The following BMPR1B variants were observed in gnomAD, a reference collection of about 807,000 sequenced individuals.
The protein encoded by BMPR1B is bone morphogenetic protein receptor type-1B.
Under a neutral mutation model 59.1 loss-of-function variants are expected in BMPR1B, and 12 were observed. That is an observed-to-expected ratio of 0.20 (90% confidence interval 0.13 to 0.33). The LOEUF (loss-of-function observed/expected upper bound fraction) is 0.33, where lower values mean the gene tolerates loss of function less well. BMPR1B is among the 10% of genes least tolerant of loss of function. BMPR1B has a pLI of 1.00. For synonymous variants in BMPR1B, 237 were observed against 207.3 expected, an observed-to-expected ratio of 1.14 and a Z score of -1.23; for missense variants, 550 against 610.9, an observed-to-expected ratio of 0.90 and a Z score of 1.05.
intron 2 of BMPR1B, among the ~76,000 whole-genome samples, chr4:94,943,559 A>C (rs1476902214): frequency 6.6e-6 from 1 of 152,222 alleles, no homozygotes; most frequent in Non-Finnish European, 1.5e-5. Flanking sequence ...TATGTGTATC[A>C]TGCTTAGGAT....
chr4:95,010,661 A>G lies in BMPR1B; in HGVS notation c.-18+14527A>G, dbSNP rs1723158203. Among the ~76,000 whole-genome samples the G allele has an allele frequency of 2.0e-5, 3 of 152,218 alleles. 1 individual carries two copies. The highest frequency in any genetic ancestry group is 2.0e-4 in the Admixed American group (3 of 15,278). ...GCTCTTTAAAACAGGGTATTGGAAG[A>G]TCCTTGCTAGGCAACCAAGAAATCT... On this transcript the variant is annotated intron_variant, in intron 3 of 12. Coordinates refer to ENST00000515059, the MANE Select transcript of BMPR1B (RefSeq NM_001203.3).
chr4:94,878,515 C>T (rs768098487), intron 2 of BMPR1B, among the ~76,000 whole-genome samples: 6 of 152,130 alleles, frequency 3.9e-5, no homozygotes, highest in Non-Finnish European at 8.8e-5. Flanking sequence ...TTACACTGGC[C>T]CAGGTAAACT....
intron 3 of BMPR1B, among the ~76,000 whole-genome samples, chr4:95,077,557 C>A (rs781057921): frequency 6.6e-6 from 1 of 152,104 alleles, no homozygotes; most frequent in African/African-American, 2.4e-5. Flanking sequence ...TGTTGATAAG[C>A]CACTTTCTAC....
intron 10 of BMPR1B, among the ~76,000 whole-genome samples, chr4:95,146,992 T>C (rs914885653): frequency 6.6e-6 from 1 of 152,200 alleles, no homozygotes; most frequent in African/African-American, 2.4e-5. Flanking sequence ...TTAGCCTCTT[T>C]TTCCAGTTTT....
chr4:94,862,065 G>A (rs1207553900), intron 1 of BMPR1B, among the ~76,000 whole-genome samples: 1 of 151,272 alleles, frequency 6.6e-6, no homozygotes, highest in South Asian at 2.1e-4. Context: ...CACAGTACCT[G>A]TCAACCAACA....
chr4:94,907,807 A>G (rs1397377600), intron 2 of BMPR1B, among the ~76,000 whole-genome samples: 1 of 151,794 alleles, frequency 6.6e-6, no homozygotes, highest in Non-Finnish European at 1.5e-5. Flanking sequence ...CTGTGTCCTC[A>G]GTGCCTAATT....
At chr4:95,046,730 G>A (rs1444220934) in intron 3 of BMPR1B, among the ~76,000 whole-genome samples, 22 of 152,110 alleles carry the variant, frequency 1.4e-4, no homozygotes, top group Non-Finnish European at 2.1e-4. Context: ...ATTTTCAAAT[G>A]GAGACCTTTC....
At chr4:94,995,659 TCAGA>T (rs1175837788) in intron 2 of BMPR1B, 6 of 152,220 alleles carry the variant, frequency 3.9e-5, no homozygotes, top group African/African-American at 1.4e-4. Context: ...CTGTATTTCT[TCAGA>T]CAAACTTAAT....
intron 2 of BMPR1B, among the ~76,000 whole-genome samples, chr4:94,888,705 C>T (rs1382056291): frequency 6.6e-6 from 1 of 152,022 alleles, no homozygotes; most frequent in Non-Finnish European, 1.5e-5. Context: ...TAAATTTTTG[C>T]TTGCACCCAT....
intron 1 of BMPR1B, among the ~76,000 whole-genome samples, chr4:94,857,754 A>G (rs904292051): frequency 6.6e-6 from 1 of 152,230 alleles, no homozygotes; most frequent in African/African-American, 2.4e-5. Flanking sequence ...TCAAAAAGAC[A>G]TCTGTTAAAT....
chr4:95,074,968 G>A (rs1241636430), intron 3 of BMPR1B, among the ~76,000 whole-genome samples: 3 of 152,044 alleles, frequency 2.0e-5, no homozygotes, highest in African/African-American at 7.2e-5. Flanking sequence ...TTTTTTTCAT[G>A]AGGCTTAACA....
At chr4:95,002,914 G>C (rs1722553151) in intron 3 of BMPR1B, among the ~76,000 whole-genome samples, 1 of 151,596 alleles carries the variant, frequency 6.6e-6, no homozygotes, top group South Asian at 2.1e-4. Flanking sequence ...TACCTTTTCT[G>C]TTATTTATAA....
intron 1 of BMPR1B, among the ~76,000 whole-genome samples, chr4:94,769,610 C>CA (rs35417815): frequency 0.71 from 102,235 of 144,864 alleles, 35,836 homozygotes; most frequent in East Asian, 0.97. Flanking sequence ...AACACCTTCT[C>CA]AAAAAAAAAA....
intron 8 of BMPR1B, among the ~76,000 whole-genome samples, chr4:95,127,079 A>T (rs28498312): frequency 2.7e-4 from 20 of 74,068 alleles, no homozygotes; most frequent in African/African-American, 7.3e-4. Context: ...TGTTCTGTGT[A>T]TGTCTTCTCA....
At chr4:94,866,551 G>A (rs1428917250) in intron 1 of BMPR1B, among the ~76,000 whole-genome samples, 1 of 151,940 alleles carries the variant, frequency 6.6e-6, no homozygotes, top group Non-Finnish European at 1.5e-5. Flanking sequence ...GGCTGTCTGT[G>A]TTCCTTACCA....
intron 3 of BMPR1B, among the ~76,000 whole-genome samples, chr4:95,070,744 A>G (rs1209220245): frequency 6.6e-6 from 1 of 152,280 alleles, no homozygotes; most frequent in Non-Finnish European, 1.5e-5. Context: ...CATTGCCACT[A>G]TTTCTTTTCT....
At chr4:94,866,308 A>G (rs1481501795) in intron 1 of BMPR1B, among the ~76,000 whole-genome samples, 1 of 152,288 alleles carries the variant, frequency 6.6e-6, no homozygotes, top group East Asian at 1.9e-4. Context: ...CCTTGTGTCA[A>G]CATCCACTTG....
At chr4:95,023,104 C>G (rs1724107811) in intron 3 of BMPR1B, among the ~76,000 whole-genome samples, 1 of 152,068 alleles carries the variant, frequency 6.6e-6, no homozygotes, top group Non-Finnish European at 1.5e-5. Flanking sequence ...AGAATATTTC[C>G]CATTTCCAGT....
chr4:94,988,066 T>A (rs1187910763), intron 2 of BMPR1B, among the ~76,000 whole-genome samples: 2 of 152,184 alleles, frequency 1.3e-5, no homozygotes, highest in African/African-American at 4.8e-5. Flanking sequence ...ATTAATTCCT[T>A]ACCTGTAAGA....
Sources: gnomAD v4.1 joint callset for allele counts (sites outside exome capture counted in the v4.1 genomes callset) on GRCh38, gnomAD v4.1.1 for gene constraint, MANE v1.5 for transcripts, NCBI Gene and HGNC (gene_info 2026-07-23, HGNC 2026-07-21) for gene names.